ASPG: variants seen among roughly 807,000 people sequenced by gnomAD.
ASPG encodes the protein 60 kDa lysophospholipase.
In ASPG, 53 loss-of-function variants were observed where a neutral mutation model predicts 63.2. The ratio of observed to expected loss-of-function variants is 0.84; its 90% CI spans 0.67 to 1.05. ASPG has a LOEUF of 1.05. ASPG is among the 50% of genes least tolerant of loss of function. The pLI, the probability that ASPG is intolerant of heterozygous loss-of-function variation, is 0.00. For missense variants in ASPG, 741 were observed against 794.4 expected, an observed-to-expected ratio of 0.93 and a Z score of 0.81; for synonymous variants, 370 against 355.0, an observed-to-expected ratio of 1.04 and a Z score of -0.48.
chr14:104,096,236 C>T (rs2036589482), intron 4 of ASPG, among the ~76,000 whole-genome samples: 1 of 152,208 alleles, frequency 6.6e-6, no homozygotes, highest in African/African-American at 2.4e-5. Context: ...TGGCTAGAAG[C>T]TGACTAGGGG....
Position 104,110,351 on chromosome 14 carries a change from G to C in ASPG, c.1520+1036G>C. Reference sequence around the variant, plus strand: ...CCTCTGGGACCGGCCCACAACCCCTGGTCTTGCTTTTGAAGGGACTTCCGG... The same window carrying C: ...CCTCTGGGACCGGCCCACAACCCCTCGTCTTGCTTTTGAAGGGACTTCCGG... On this transcript the variant is annotated intron_variant, in intron 13 of 15. Coordinates refer to ENST00000551177, the MANE Select transcript of ASPG (RefSeq NM_001080464.3). This position sits in a 1 kb window ranked among gnomAD's most constrained non-coding sequence, Gnocchi z 4.7. 1.0e-6 allele frequency: 1 copy of C among 985,374 alleles called. No homozygotes were observed. 61.0% of individuals were successfully genotyped at this position (985,374 alleles called of 1,614,324 possible).
intron 12 of ASPG, among the ~76,000 whole-genome samples, chr14:104,108,114 C>T (rs1384665866): frequency 6.6e-6 from 1 of 152,156 alleles, no homozygotes; most frequent in African/African-American, 2.4e-5. Flanking sequence ...TTCCCCTCCC[C>T]AGCGGTGAAG....
chr14:104,111,843 T>C, intron 14 of ASPG, 77 bp from the exon 15 acceptor site: 1 of 1,421,858 alleles, frequency 7.0e-7, no homozygotes, highest in South Asian at 1.3e-5. Flanking sequence ...GGGGAGGGCA[T>C]CCTGGGGATG....
chr14:104,106,723 A>G, intron 10 of ASPG, 76 bp from the exon 11 acceptor site: 1 of 1,330,392 alleles, frequency 7.5e-7, no homozygotes, highest in Non-Finnish European at 1.0e-6. Context: ...CAGGGGTCAT[A>G]CAGCACCGGG....
rs774808756 is a variant in ASPG at position 104,109,322 on chromosome 14, G to C, written c.1520+7G>C. The C allele has an allele frequency of 6.2e-7, 1 of 1,601,478 alleles. No individual in the cohort carries two copies. Among genetic ancestry groups the C allele is most frequent in the South Asian group, 1.1e-5 (1 of 89,068 alleles). On this transcript the variant is annotated splice_region_variant and intron_variant, in intron 13 of 15. Transcript: ENST00000551177. The surrounding 1 kb of genome is among the most constrained non-coding windows in gnomAD (Gnocchi z 4.8). ...CAGGGACGGAGCTGTGCAGGTGAGTGCAGCTAGAGCACCTGCTCTTCCAGG... is the reference window on the plus strand; with the variant it reads ...CAGGGACGGAGCTGTGCAGGTGAGTCCAGCTAGAGCACCTGCTCTTCCAGG...
rs2037447017 is a variant in ASPG, at chr14:104,115,458, C to G, written c.*2914C>G. 1 of 152,284 alleles carries G rather than the reference C, an allele frequency of 6.6e-6. No homozygotes were observed. The highest frequency in any genetic ancestry group is 1.5e-5 in the Non-Finnish European group (1 of 68,118). 9.4% of individuals were successfully genotyped at this position (152,284 alleles called of 1,614,324 possible). A position where few individuals can be genotyped will look rare whatever the true frequency, so the allele number is the denominator to read the frequency against. On this transcript the variant is annotated 3_prime_UTR_variant, in exon 16 of 16. Transcript: ENST00000551177. The stretch of plus-strand genomic sequence containing the variant: ...AAGGAGTGGTGGCCAGGCTTGGTGG[C>G]TCACACCTGCAATCCCAGCACTTTG...
intron 3 of ASPG, 41 bp from the exon 4 acceptor site, chr14:104,095,490 T>C: frequency 6.2e-7 from 1 of 1,610,496 alleles, no homozygotes; most frequent in Non-Finnish European, 8.5e-7. Context: ...CACACCTGCT[T>C]GCGAGGGGCT....
chr14:104,092,849 T>C, intron 2 of ASPG, 108 bp downstream of exon 2: 1 of 886,304 alleles, frequency 1.1e-6, no homozygotes, highest in Non-Finnish European at 1.8e-6. Context: ...TGCTCACCCC[T>C]GTCTCTAACA....
In ASPG at chr14:104,092,737, C is replaced by A; in HGVS notation, c.187C>A (p.Leu63Ile). ...CGGCCTCTCTGAGGACACCCTGGTG[C>A]TACCGTGAGTGTGGGCTCCTCCCAG... ...ARGLSEDTLV[L>I]PPASRNQRIL... Residue 63 changes from leucine to isoleucine, a missense_variant, in exon 2 of 16, where the codon CTA becomes ATA. Physicochemically the swap from Leu to Ile is conservative, Grantham distance 5 (BLOSUM62 2). Coordinates refer to ENST00000551177, the MANE Select transcript of ASPG (RefSeq NM_001080464.3). The A allele has an allele frequency of 5.9e-6, 9 of 1,535,604 alleles. No individual in the cohort carries two copies. Among genetic ancestry groups the A allele is most frequent in the Non-Finnish European group, 7.9e-6 (9 of 1,146,486 alleles).
intron 9 of ASPG, 76 bp downstream of exon 9, chr14:104,104,811 G>T (rs2037050545): frequency 3.1e-6 from 4 of 1,276,176 alleles, no homozygotes. Flanking sequence ...GCATGTCTGG[G>T]GCGATGCCGG....
chr14:104,091,791 A>AT lies in ASPG; in HGVS notation c.83-841dup, dbSNP rs376391429. Among the ~76,000 whole-genome samples the AT allele has an allele frequency of 5.4e-3, 646 of 119,762 alleles. 3 individuals are homozygous for AT. Among genetic ancestry groups the AT allele is most frequent in the African/African-American group, 0.02 (608 of 30,978 alleles). 78.6% of individuals were successfully genotyped at this position (119,762 alleles called of 152,430 possible). A position where few individuals can be genotyped will look rare whatever the true frequency, so the allele number is the denominator to read the frequency against. ...CCATGGCTGGGATCTGCAGGATAGG[A>AT]TGGGGCATTGCTGCTGGGGGAGGGA... On this transcript the variant is annotated intron_variant, in intron 1 of 15. Transcript: ENST00000551177. The surrounding 1 kb of genome is among the most constrained non-coding windows in gnomAD (Gnocchi z 6.4).
In ASPG at chr14:104,093,324, G is replaced by C. The variant is rs746459927; in HGVS notation, c.192-167G>C. 13 of 691,492 alleles carry C rather than the reference G, an allele frequency of 1.9e-5. No individual in the cohort carries two copies. The African/African-American group carries it at 2.3e-4, about 12-fold the overall frequency. 42.8% of individuals were successfully genotyped at this position (691,492 alleles called of 1,614,324 possible). A position where few individuals can be genotyped will look rare whatever the true frequency, so the allele number is the denominator to read the frequency against. On this transcript the variant is annotated intron_variant, in intron 2 of 15. Transcript: ENST00000551177. ...CTGTGGGGAGCTCCAGGTGGAAGGG[G>C]GGCCGGGCCCCGTACCTGGGATGCT...
chr14:104,112,085 AG>A, intron 15 of ASPG, 85 bp downstream of exon 15: 1 of 1,311,742 alleles, frequency 7.6e-7, no homozygotes, highest in Non-Finnish European at 1.1e-6. Context: ...GGCGTAATCA[AG>A]GGGAACAGAA....
rs112916991 is a variant in ASPG, at chr14:104,097,997, G to A, written c.513+360G>A. 8.8e-3 allele frequency among the ~76,000 whole-genome samples: 548 copies of A among 62,260 alleles called. 5 individuals carry two copies. Among genetic ancestry groups the A allele is most frequent in the Middle Eastern group, 0.027 (3 of 110 alleles). The allele number at this position is 62,260 out of a possible 152,430, so 40.8% of individuals were successfully genotyped here. A position where few individuals can be genotyped will look rare whatever the true frequency, so the allele number is the denominator to read the frequency against. On this transcript the variant is annotated intron_variant, in intron 5 of 15. Transcript: ENST00000551177. ...CGTTAGAGATGCGTATGGAGGTTCT[G>A]CGTTAGAGATGCGTATGGAGGTTCT...
intron 1 of ASPG, among the ~76,000 whole-genome samples, chr14:104,087,666 C>T (rs1237942604): frequency 5.3e-5 from 8 of 152,308 alleles, no homozygotes; most frequent in East Asian, 3.9e-4. Flanking sequence ...ACGCCCCTGA[C>T]GCTACCCCTT....
chr14:104,103,494 A>T, intron 6 of ASPG, 69 bp from the exon 7 acceptor site: 1 of 1,377,004 alleles, frequency 7.3e-7, no homozygotes, highest in Non-Finnish European at 1.0e-6. Flanking sequence ...GCAGAGGGCC[A>T]GGCACTGGGC....
intron 13 of ASPG, chr14:104,111,114 T>TGGGC (rs1285807258): frequency 4.1e-6 from 4 of 984,998 alleles, no homozygotes; most frequent in Non-Finnish European, 4.8e-6. Context: ...GCTCGGCAGG[T>TGGGC]GGGCGTGCAT....
chr14:104,107,106 G>T, intron 11 of ASPG, 76 bp from the exon 12 acceptor site: 5 of 1,501,560 alleles, frequency 3.3e-6, no homozygotes, highest in Non-Finnish European at 4.5e-6. Flanking sequence ...CCCTCAGAGG[G>T]ACCCCACCCT....
intron 5 of ASPG, among the ~76,000 whole-genome samples, 164 bp downstream of exon 5, chr14:104,097,801 C>T (rs999852482): frequency 6.6e-5 from 10 of 152,182 alleles, no homozygotes; most frequent in Non-Finnish European, 8.8e-5. Flanking sequence ...ATTAGAGGTA[C>T]GTATGGAAGT....
Sources: allele counts gnomAD v4.1 joint callset (sites outside exome capture counted in the v4.1 genomes callset), GRCh38; gene constraint gnomAD v4.1.1; non-coding constraint Gnocchi (gnomAD v3.1); transcripts MANE v1.5; gene names NCBI Gene and HGNC (gene_info 2026-07-23, HGNC 2026-07-21).